Variants in OPHN1 observed in about 807,000 individuals in gnomAD.
OPHN1 encodes oligophrenin-1.
Under a neutral mutation model 60.7 loss-of-function variants are expected in OPHN1, and 11 were observed. The ratio of observed to expected loss-of-function variants is 0.18; its 90% CI spans 0.11 to 0.30. OPHN1 has a LOEUF of 0.30. OPHN1 is among the 10% of genes least tolerant of loss of function. The probability of loss-of-function intolerance (pLI) is 1.00; values close to 1 mark genes in which losing one functional copy is unlikely to be tolerated. For synonymous variants in OPHN1, 226 were observed against 222.6 expected (o/e 1.02, Z -0.14); for missense variants, 449 against 611.0 (o/e 0.73, Z 2.80).
At chrX:68,266,745 G>C (rs1224017981) in intron 5 of OPHN1, among the ~76,000 whole-genome samples, 2 of 111,360 alleles carry the variant, frequency 1.8e-5, no homozygotes, top group Admixed American at 1.9e-4. Flanking sequence ...ATTGGATAAA[G>C]AGTCAAGACC....
chrX:68,278,175 C>T (rs1385853435), intron 4 of OPHN1, among the ~76,000 whole-genome samples: 1 of 112,487 alleles, frequency 8.9e-6, no homozygotes, highest in African/African-American at 3.2e-5. Flanking sequence ...TGAATCTTTT[C>T]CTCTCTATGA....
At chrX:68,115,243 G>C (rs1602166360) in intron 16 of OPHN1, among the ~76,000 whole-genome samples, 1 of 112,599 alleles carries the variant, frequency 8.9e-6, no homozygotes, top group East Asian at 2.8e-4. Flanking sequence ...TTGGTTCTTT[G>C]TAGAAGTAAA....
At chrX:68,400,445 T>C (rs184315528) in intron 2 of OPHN1, among the ~76,000 whole-genome samples, 1 of 110,111 alleles carries the variant, frequency 9.1e-6, no homozygotes, top group Non-Finnish European at 1.9e-5. Flanking sequence ...GACTGAGTAA[T>C]GTATAAAGAA....
At chrX:68,048,482 C>T (rs1269560910) in intron 23 of OPHN1, 25 bp from the exon 24 acceptor site, 1 of 1,197,067 alleles carries the variant, frequency 8.4e-7, no homozygotes, top group Non-Finnish European at 1.1e-6. Flanking sequence ...AGACGTTTCA[C>T]TAAGATTCTA....
intron 2 of OPHN1, among the ~76,000 whole-genome samples, chrX:68,346,697 T>C (rs1429928404): frequency 2.7e-5 from 3 of 111,971 alleles, no homozygotes; most frequent in Non-Finnish European, 5.6e-5. Context: ...CTATTAATTG[T>C]CCACAATAAG....
In OPHN1 at chrX:68,354,337, C is replaced by T. The variant is rs775176728; in HGVS notation, c.155-55241G>A. Among the ~76,000 whole-genome samples the T allele has an allele frequency of 1.0e-3, 106 of 102,359 alleles. 1 individual carries two copies. Among genetic ancestry groups the T allele is most frequent in the Non-Finnish European group, 2.9e-4 (15 of 50,958 alleles). The allele number at this position is 102,359 out of a possible 115,157, so 88.9% of individuals were successfully genotyped here. Reference sequence around the variant, plus strand: ...GCAGACACCTGTAATCCCAGCTACTCGGGAGACCGAGACCGAGTTCAAGAA... The same window carrying T: ...GCAGACACCTGTAATCCCAGCTACTTGGGAGACCGAGACCGAGTTCAAGAA... On this transcript the variant is annotated intron_variant, in intron 2 of 24. Coordinates refer to ENST00000355520, the MANE Select transcript of OPHN1 (RefSeq NM_002547.3).
chrX:68,129,878 G>A (rs1197154360), intron 15 of OPHN1, among the ~76,000 whole-genome samples: 1 of 112,201 alleles, frequency 8.9e-6, no homozygotes, highest in African/African-American at 3.2e-5. Flanking sequence ...ATCATGCTCT[G>A]ACATAAGCCA....
At chrX:68,153,200 G>A (rs1304094979) in intron 15 of OPHN1, among the ~76,000 whole-genome samples, 1 of 88,735 alleles carries the variant, frequency 1.1e-5, no homozygotes, top group Non-Finnish European at 2.1e-5. Context: ...GACAGAGCGA[G>A]ACTCCATGTC....
At chrX:68,392,778 G>C (rs2078659971) in intron 2 of OPHN1, among the ~76,000 whole-genome samples, 1 of 108,916 alleles carries the variant, frequency 9.2e-6, no homozygotes, top group Non-Finnish European at 1.9e-5. Flanking sequence ...GTTCAGCTGG[G>C]AGTGGTCAGA....
chrX:68,287,192 G>GAAAGAAA lies in OPHN1; in HGVS notation c.251-4076_251-4075insTTTCTTT, dbSNP rs1569269528. 4.4e-4 allele frequency among the ~76,000 whole-genome samples: 26 copies of GAAAGAAA among 59,151 alleles called. 1 individual carries two copies. The African/African-American group carries it at 5.4e-3, about 12-fold the overall frequency. 51.4% of individuals were successfully genotyped at this position (59,151 alleles called of 115,157 possible). On this transcript the variant is annotated intron_variant, in intron 3 of 24. Transcript: ENST00000355520. ...AAGAAAGAAAGAAAGAAAGAAAAGG[G>GAAAGAAA]AGGGAGGGAGGAGAAGGGGAAGGGA...
At chrX:68,076,695 C>A (rs1374433666) in intron 19 of OPHN1, among the ~76,000 whole-genome samples, 2 of 111,710 alleles carry the variant, frequency 1.8e-5, no homozygotes, top group Non-Finnish European at 3.8e-5. Flanking sequence ...AAAAAGAAAA[C>A]ATATAGTCGT....
At chrX:68,226,633 C>T (rs1289369218) in intron 6 of OPHN1, among the ~76,000 whole-genome samples, 3 of 111,120 alleles carry the variant, frequency 2.7e-5, no homozygotes, top group Non-Finnish European at 5.6e-5. Context: ...CCAAACTAAG[C>T]TTCATAAGTA....
intron 2 of OPHN1, among the ~76,000 whole-genome samples, chrX:68,357,035 G>C (rs1023184046): frequency 9.0e-6 from 1 of 111,344 alleles, no homozygotes; most frequent in African/African-American, 3.3e-5. Context: ...TTAGGGTGAA[G>C]AAAATGCTCT....
chrX:68,356,418 A>T (rs953064957), intron 2 of OPHN1, among the ~76,000 whole-genome samples: 6 of 102,468 alleles, frequency 5.9e-5, no homozygotes, highest in South Asian at 4.3e-4. Context: ...TCCTTAAAAT[A>T]TTTTTTTTTT....
chrX:68,101,698 A>G (rs1328579182), intron 18 of OPHN1, among the ~76,000 whole-genome samples: 1 of 112,319 alleles, frequency 8.9e-6, no homozygotes, highest in Non-Finnish European at 1.9e-5. Flanking sequence ...CATTGCCTAG[A>G]TGTATTAAAG....
At chrX:68,311,584 C>T (rs2078173575) in intron 2 of OPHN1, among the ~76,000 whole-genome samples, 2 of 111,209 alleles carry the variant, frequency 1.8e-5, no homozygotes, top group Non-Finnish European at 3.8e-5. Context: ...AAGCACCCGC[C>T]ATCGCACCTG....
At position 68,433,164 on chromosome X, in the gene OPHN1, G is replaced by T. The variant is rs2078894673; in HGVS notation, c.-5+4C>A. 2 of 618,200 alleles carry T rather than the reference G, an allele frequency of 3.2e-6. No individual in the cohort carries two copies. The highest frequency in any genetic ancestry group is 7.7e-5 in the Admixed American group (2 of 25,871). 50.9% of individuals were successfully genotyped at this position (618,200 alleles called of 1,213,427 possible). ...TAGCCTCCGTCCCTTTGGAGGACAG[G>T]TACCTGTTTCAGTGAGACTCCTGAG... On this transcript the variant is annotated splice_donor_region_variant and intron_variant, in intron 1 of 24. Coordinates refer to ENST00000355520, the MANE Select transcript of OPHN1 (RefSeq NM_002547.3).
chrX:68,358,203 C>G (rs2078452437), intron 2 of OPHN1, among the ~76,000 whole-genome samples: 1 of 109,447 alleles, frequency 9.1e-6, no homozygotes. Flanking sequence ...CACCTGTAGT[C>G]ACAACTACTC....
intron 2 of OPHN1, among the ~76,000 whole-genome samples, chrX:68,397,716 T>A (rs1448930926): frequency 9.3e-6 from 1 of 107,628 alleles, no homozygotes; most frequent in Non-Finnish European, 1.9e-5. Flanking sequence ...AGGGACAGGG[T>A]TTCACCACGT....
Sources: allele counts gnomAD v4.1 joint callset (sites outside exome capture counted in the v4.1 genomes callset), GRCh38; gene constraint gnomAD v4.1.1; transcripts MANE v1.5; gene names NCBI Gene and HGNC (gene_info 2026-07-23, HGNC 2026-07-21).